SETD5: variants seen among roughly 807,000 people sequenced by gnomAD.
SETD5 encodes the protein histone-lysine N-methyltransferase SETD5.
In SETD5, 44 loss-of-function variants were observed where a neutral mutation model predicts 153.3. The ratio of observed to expected loss-of-function variants is 0.29; its 90% CI spans 0.23 to 0.37. The LOEUF is 0.37. Among genes scored for constraint, SETD5 ranks in the 10% least tolerant of loss-of-function variants. The pLI is 1.00. For synonymous variants in SETD5, 716 were observed against 645.2 expected (o/e 1.11, Z -1.66); for missense variants, 1,544 against 1,768.0 (o/e 0.87, Z 2.27).
intron 1 of SETD5, among the ~76,000 whole-genome samples, chr3:9,414,861 A>G (rs1419790008): frequency 6.6e-6 from 1 of 152,072 alleles, no homozygotes; most frequent in East Asian, 1.9e-4. Flanking sequence ...AGTATTGGAA[A>G]AGGAAATACA....
At chr3:9,428,740 T>C (rs2039617731) in intron 2 of SETD5, 83 bp from the exon 3 acceptor site, 2 of 388,514 alleles carry the variant, frequency 5.1e-6, no homozygotes, top group Non-Finnish European at 9.3e-6. Context: ...CAGAAAAATA[T>C]TCAGTAACAT....
chr3:9,425,262 C>G (rs988787144), intron 2 of SETD5, among the ~76,000 whole-genome samples: 1 of 151,696 alleles, frequency 6.6e-6, no homozygotes, highest in Non-Finnish European at 1.5e-5. Context: ...CAGGGTTTCA[C>G]CGTGTTAGCC....
At position 9,434,837 on chromosome 3, in the gene SETD5, G is replaced by C. The variant is rs2040365808; in HGVS notation, c.343G>C (p.Gly115Arg). The change falls in exon 6 of 23, where the codon GGG becomes CGG. Residue 115 changes from glycine (G) to arginine (R), a missense_variant. Physicochemically the swap from Gly to Arg is moderately radical, Grantham distance 125. Coordinates refer to ENST00000402198, the MANE Select transcript of SETD5 (RefSeq NM_001080517.3). The surrounding 1 kb of genome is among the most constrained non-coding windows in gnomAD (Gnocchi z 5.6). ...NCDKCRGMSR[G>R]KVIRLHRRKQ... ...TTCCCTCTTTAGGGGAATGAGCAGG[G>C]GGAAGGTTATTAGACTTCATCGGCG... 6.2e-7 allele frequency: 1 copy of C among 1,613,428 alleles called. No individual in the cohort carries two copies. The highest frequency in any genetic ancestry group is 8.5e-7 in the Non-Finnish European group (1 of 1,179,724).
chr3:9,434,545 G>A lies in SETD5; in HGVS notation c.329+60G>A, dbSNP rs1218337315. ...TTGCTGGGATTAGGGTTTCTTACAA[G>A]TAGGGAAAAGCTCAAAGTATTCTTT... On this transcript the variant is annotated intron_variant, in intron 5 of 22. Coordinates refer to ENST00000402198, the MANE Select transcript of SETD5 (RefSeq NM_001080517.3). This position sits in a 1 kb window ranked among gnomAD's most constrained non-coding sequence, Gnocchi z 5.6. 1 of 1,605,920 alleles carries A rather than the reference G, an allele frequency of 6.2e-7. No individual in the cohort carries two copies. The highest frequency in any genetic ancestry group is 1.7e-5 in the Admixed American group (1 of 58,832).
At chr3:9,463,336 TA>T (rs1201334131) in intron 17 of SETD5, among the ~76,000 whole-genome samples, 3 of 152,240 alleles carry the variant, frequency 2.0e-5, no homozygotes, top group African/African-American at 7.2e-5. Flanking sequence ...TTCTATTTCT[TA>T]CAAATTTTAA....
At chr3:9,467,103 G>T (rs1479266107) in intron 18 of SETD5, among the ~76,000 whole-genome samples, 1 of 148,414 alleles carries the variant, frequency 6.7e-6, no homozygotes, top group Non-Finnish European at 1.5e-5. Flanking sequence ...GGAGGCCAAG[G>T]CAAAGGAATT....
chr3:9,471,450 A>G (rs2045290193), intron 19 of SETD5, among the ~76,000 whole-genome samples: 1 of 152,220 alleles, frequency 6.6e-6, no homozygotes, highest in Non-Finnish European at 1.5e-5. Flanking sequence ...CAGCCAACCA[A>G]CAATTGAGGG....
At chr3:9,439,477 A>G (rs935899191) in intron 7 of SETD5, among the ~76,000 whole-genome samples, 4 of 152,238 alleles carry the variant, frequency 2.6e-5, no homozygotes, top group Non-Finnish European at 2.9e-5. Context: ...TAATGTGGAC[A>G]TGGATTTTCA....
In SETD5 at chr3:9,476,284, C is replaced by T. The variant is rs777323321; in HGVS notation, c.*193C>T. On this transcript the variant is annotated 3_prime_UTR_variant, in exon 23 of 23. Coordinates refer to ENST00000402198, the MANE Select transcript of SETD5 (RefSeq NM_001080517.3). ...CCTTGGAGAAAGCTGTAAATCTTGT[C>T]TGAAGCAGAGACTATAAAGAAGTTT... 8.4e-6 allele frequency: 6 copies of T among 713,850 alleles called. No homozygotes were observed. Among genetic ancestry groups the T allele is most frequent in the Non-Finnish European group, 1.3e-5 (6 of 446,932 alleles). 44.2% of individuals were successfully genotyped at this position (713,850 alleles called of 1,614,324 possible).
At chr3:9,441,310 A>G (rs1044362598) in intron 8 of SETD5, among the ~76,000 whole-genome samples, 3 of 151,926 alleles carry the variant, frequency 2.0e-5, no homozygotes, top group Non-Finnish European at 2.9e-5. Flanking sequence ...GTTCTTTCTC[A>G]TCTTTATTTT....
intron 12 of SETD5, 133 bp downstream of exon 12, chr3:9,445,433 G>A (rs1177544377): frequency 1.9e-6 from 2 of 1,048,808 alleles, no homozygotes; most frequent in East Asian, 2.6e-5. Context: ...TGGGTTTATT[G>A]TGTTCATACA....
At chr3:9,468,322 A>C (rs538469282) in intron 18 of SETD5, among the ~76,000 whole-genome samples, 1 of 152,168 alleles carries the variant, frequency 6.6e-6, no homozygotes, top group Non-Finnish European at 1.5e-5. Context: ...CAGAGATACC[A>C]GGAAGCATTT....
At chr3:9,425,055 C>CTT (rs778883904) in intron 2 of SETD5, among the ~76,000 whole-genome samples, 922 of 83,544 alleles carry the variant, frequency 0.011, 18 homozygotes, top group Middle Eastern at 0.026. Flanking sequence ...GACAATGTTT[C>CTT]TTTTTTTTTT....
chr3:9,404,984 A>G (rs148978062), intron 1 of SETD5, among the ~76,000 whole-genome samples: 89 of 152,334 alleles, frequency 5.8e-4, no homozygotes, highest in Middle Eastern at 3.4e-3. Context: ...CTCCCATCAA[A>G]AAGAAACTAG....
rs748361106 is a variant in SETD5 at position 9,434,250 on chromosome 3, T to C, written c.178-84T>C. Reference sequence around the variant, plus strand: ...GAGAGAGGGGCCAGTGTTTGGACACTGTTGATTTAAAAAATCTTATTTTCA... The same window carrying C: ...GAGAGAGGGGCCAGTGTTTGGACACCGTTGATTTAAAAAATCTTATTTTCA... On this transcript the variant is annotated intron_variant, in intron 4 of 22. Transcript: ENST00000402198. This position sits in a 1 kb window ranked among gnomAD's most constrained non-coding sequence, Gnocchi z 5.6. 1.3e-6 allele frequency: 2 copies of C among 1,577,302 alleles called. No individual in the cohort carries two copies. Among genetic ancestry groups the C allele is most frequent in the Non-Finnish European group, 1.7e-6 (2 of 1,152,216 alleles).
chr3:9,473,826 TC>T (rs1223401680), intron 20 of SETD5, among the ~76,000 whole-genome samples: 1 of 152,224 alleles, frequency 6.6e-6, no homozygotes, highest in Admixed American at 6.5e-5. Context: ...ACACTGCCTT[TC>T]CTATTTCTCA....
chr3:9,414,767 GT>G lies in SETD5; in HGVS notation c.-176-9698del, dbSNP rs562680036. Among the ~76,000 whole-genome samples the G allele has an allele frequency of 2.9e-3, 447 of 151,694 alleles. 2 individuals carry two copies. The highest frequency in any genetic ancestry group is 0.01 in the African/African-American group (425 of 41,386). On this transcript the variant is annotated intron_variant, in intron 1 of 22. Transcript: ENST00000402198. ...AAAGATTGAGAACCACTGCTTTTAAGTTATTAATGGAGGTCTTCAATGGATT... is the reference window on the plus strand; with the variant it reads ...AAAGATTGAGAACCACTGCTTTTAAGTATTAATGGAGGTCTTCAATGGATT...
chr3:9,437,611 T>C (rs2040742981), intron 7 of SETD5, among the ~76,000 whole-genome samples: 1 of 152,010 alleles, frequency 6.6e-6, no homozygotes, highest in Admixed American at 6.6e-5. Flanking sequence ...CTTCAAAGCA[T>C]TTAAATAGAA....
At chr3:9,471,062 T>G in intron 19 of SETD5, 133 bp downstream of exon 19, 1 of 604,014 alleles carries the variant, frequency 1.7e-6, no homozygotes, top group South Asian at 2.1e-5. Context: ...CCAAATCCAG[T>G]GAAAGACAGG....
Sources: allele counts gnomAD v4.1 joint callset (sites outside exome capture counted in the v4.1 genomes callset), GRCh38; gene constraint gnomAD v4.1.1; non-coding constraint Gnocchi (gnomAD v3.1); transcripts MANE v1.5; gene names NCBI Gene and HGNC (gene_info 2026-07-23, HGNC 2026-07-21).